KCTD20: variants seen among roughly 807,000 people sequenced by gnomAD.
KCTD20 encodes the protein potassium channel tetramerization domain containing 20.
In KCTD20, 30 loss-of-function variants were observed where a neutral mutation model predicts 39.6. That is an observed-to-expected ratio of 0.76 (90% CI 0.57 to 1.03). The LOEUF is 1.03. Among genes scored for constraint, KCTD20 ranks in the 50% least tolerant of loss-of-function variants. The probability of loss-of-function intolerance (pLI) is 0.00; values close to 1 mark genes in which losing one functional copy is unlikely to be tolerated. For missense variants in KCTD20, 422 were observed against 522.0 expected, an observed-to-expected ratio of 0.81 and a Z score of 1.87; for synonymous variants, 162 against 180.6, an observed-to-expected ratio of 0.90 and a Z score of 0.83.
At chr6:36,478,212 G>C (rs1228207216) in intron 3 of KCTD20, among the ~76,000 whole-genome samples, 1 of 152,180 alleles carries the variant, frequency 6.6e-6, no homozygotes, top group East Asian at 1.9e-4. Context: ...ACCCCCATTT[G>C]ATTGGGAAGT....
At chr6:36,480,241 G>A (rs150194876) in intron 5 of KCTD20, among the ~76,000 whole-genome samples, 390 of 152,216 alleles carry the variant, frequency 2.6e-3, no homozygotes, top group African/African-American at 8.8e-3. Context: ...ACAGATAGTA[G>A]TTTCTAAATG....
chr6:36,457,036 G>T (rs1218576863), intron 1 of KCTD20, among the ~76,000 whole-genome samples: 3 of 152,112 alleles, frequency 2.0e-5, no homozygotes, highest in African/African-American at 7.2e-5. Flanking sequence ...GGTCTCAAGT[G>T]ATCCACCTGC....
intron 1 of KCTD20, among the ~76,000 whole-genome samples, chr6:36,457,172 A>G (rs1050035931): frequency 1.3e-5 from 2 of 152,088 alleles, no homozygotes; most frequent in African/African-American, 4.8e-5. Flanking sequence ...GGGCTCAAGC[A>G]GTCCTCCCAC....
At chr6:36,482,941 G>A (rs1163145359) in intron 6 of KCTD20, among the ~76,000 whole-genome samples, 22 of 114,878 alleles carry the variant, frequency 1.9e-4, no homozygotes, top group African/African-American at 7.9e-4. Context: ...GCAAGACTAC[G>A]TCTCAAAAAA....
At chr6:36,461,216 C>G (rs530129521) in intron 1 of KCTD20, among the ~76,000 whole-genome samples, 1 of 152,214 alleles carries the variant, frequency 6.6e-6, no homozygotes, top group African/African-American at 2.4e-5. Flanking sequence ...TGCTAGAAAA[C>G]TTTGCTAAGT....
At chr6:36,448,944 T>G (rs1461486931) in intron 1 of KCTD20, among the ~76,000 whole-genome samples, 4 of 151,796 alleles carry the variant, frequency 2.6e-5, no homozygotes, top group Non-Finnish European at 5.9e-5. Flanking sequence ...GTGGCGTGTC[T>G]GGAGTTGTTT....
intron 1 of KCTD20, among the ~76,000 whole-genome samples, chr6:36,457,285 A>T (rs1436374185): frequency 1.3e-5 from 2 of 152,212 alleles, no homozygotes; most frequent in Admixed American, 6.5e-5. Context: ...CACTTATCTG[A>T]TGCTTTTCAG....
intron 1 of KCTD20, among the ~76,000 whole-genome samples, chr6:36,461,252 C>A (rs1191907809): frequency 1.3e-5 from 2 of 152,054 alleles, no homozygotes; most frequent in African/African-American, 4.8e-5. Flanking sequence ...ATATTTAGGA[C>A]CTTTTTATGT....
At chr6:36,447,101 T>C (rs1775071584) in intron 1 of KCTD20, among the ~76,000 whole-genome samples, 1 of 152,192 alleles carries the variant, frequency 6.6e-6, no homozygotes, top group Non-Finnish European at 1.5e-5. Flanking sequence ...TATATTTCAT[T>C]GGGAAGTGGT....
Position 36,487,415 on chromosome 6 carries a change from G to T in KCTD20, c.*240G>T. The T allele has an allele frequency of 3.8e-6, 2 of 519,672 alleles. No individual in the cohort carries two copies. Among genetic ancestry groups the T allele is most frequent in the Middle Eastern group, 5.0e-4 (1 of 2,020 alleles). The allele number at this position is 519,672 out of a possible 1,614,324, so 32.2% of individuals were successfully genotyped here. A position where few individuals can be genotyped will look rare whatever the true frequency, so the allele number is the denominator to read the frequency against. The stretch of plus-strand genomic sequence containing the variant: ...GCAGCCCTGGTAACTTGAAAAATTT[G>T]GGTCTGGTGCTGTTCATTGAGTCTT... On this transcript the variant is annotated 3_prime_UTR_variant, in exon 8 of 8. Coordinates refer to ENST00000373731, the MANE Select transcript of KCTD20 (RefSeq NM_173562.5).
chr6:36,447,531 G>A (rs868403011), intron 1 of KCTD20, among the ~76,000 whole-genome samples: 3 of 152,010 alleles, frequency 2.0e-5, no homozygotes, highest in Admixed American at 6.6e-5. Context: ...TGGGGAGGTT[G>A]AGGCATAAGC....
chr6:36,473,335 T>C (rs1224278034), intron 2 of KCTD20, among the ~76,000 whole-genome samples: 3 of 152,054 alleles, frequency 2.0e-5, no homozygotes, highest in Non-Finnish European at 2.9e-5. Context: ...GTGCTGGGAC[T>C]ACAGGCGTGA....
intron 1 of KCTD20, chr6:36,451,555 T>A (rs1202679777): frequency 6.6e-6 from 1 of 152,182 alleles, no homozygotes; most frequent in African/African-American, 2.4e-5. Flanking sequence ...GTGGCAAGAT[T>A]TCAGCTCACT....
chr6:36,446,151 C>G (rs927175118), intron 1 of KCTD20, among the ~76,000 whole-genome samples: 3 of 151,228 alleles, frequency 2.0e-5, no homozygotes, highest in Non-Finnish European at 2.9e-5. Flanking sequence ...CTCAGCCTCC[C>G]GAGTAGCTGG....
intron 6 of KCTD20, among the ~76,000 whole-genome samples, chr6:36,483,263 C>CTTT (rs766717414): frequency 0.061 from 4,658 of 76,406 alleles, 278 homozygotes; most frequent in East Asian, 0.23. Flanking sequence ...GTGGCTTTTT[C>CTTT]TTTTTTTTTT....
In KCTD20 at chr6:36,478,568, C is replaced by T. The variant is rs1035075475; in HGVS notation, c.435-553C>T. Among the ~76,000 whole-genome samples, 4 of 151,924 alleles carry T rather than the reference C, an allele frequency of 2.6e-5. No homozygotes were observed. The East Asian group carries it at 7.7e-4, about 29-fold the overall frequency. On this transcript the variant is annotated intron_variant, in intron 3 of 7. Transcript: ENST00000373731. ...GTAAGGCCATTTTTCCCCCAGAGCTCGACTATTAAGACATACCAAGAAAGC... is the reference window on the plus strand; with the variant it reads ...GTAAGGCCATTTTTCCCCCAGAGCTTGACTATTAAGACATACCAAGAAAGC...
chr6:36,481,617 CCT>C lies in KCTD20; in HGVS notation c.716_717del (p.Leu239ArgfsTer27). On this transcript the variant is annotated frameshift_variant, in exon 6 of 8. Coordinates refer to ENST00000373731, the MANE Select transcript of KCTD20 (RefSeq NM_173562.5). LOFTEE classifies it high-confidence loss of function. ...DGAHKQFDHY[L>X]EELILPIMVG... ...GTGCTCATAAGCAGTTTGATCACTA[CCT>C]CGAAGAGCTCATCTTGCCCATCATG... 1.2e-6 allele frequency: 2 copies of C among 1,614,210 alleles called. No homozygotes were observed. Among genetic ancestry groups the C allele is most frequent in the Non-Finnish European group, 1.7e-6 (2 of 1,180,042 alleles).
intron 6 of KCTD20, among the ~76,000 whole-genome samples, chr6:36,483,876 A>C (rs532544204): frequency 7.2e-5 from 11 of 151,908 alleles, no homozygotes; most frequent in Admixed American, 6.5e-5. Context: ...GTAAAAAAAA[A>C]CGGCAGAATC....
At chr6:36,446,970 T>C (rs1273558056) in intron 1 of KCTD20, among the ~76,000 whole-genome samples, 1 of 152,230 alleles carries the variant, frequency 6.6e-6, no homozygotes, top group East Asian at 1.9e-4. Context: ...AGATAAAGAC[T>C]CTAAGACACA....
Sources: gnomAD v4.1 joint callset for allele counts (sites outside exome capture counted in the v4.1 genomes callset) on GRCh38, gnomAD v4.1.1 for gene constraint, MANE v1.5 for transcripts, NCBI Gene and HGNC (gene_info 2026-07-23, HGNC 2026-07-21) for gene names.